MYO1D: variants seen among roughly 807,000 people sequenced by gnomAD.
MYO1D encodes the protein unconventional myosin-Id.
MYO1D carries 83 observed loss-of-function variants against 122.0 expected under a neutral mutation model. The observed-to-expected ratio is 0.68, with a 90% CI of 0.57 to 0.82. The LOEUF (loss-of-function observed/expected upper bound fraction) is 0.82. Among genes scored for constraint, MYO1D ranks in the 40% least tolerant of loss-of-function variants. The pLI, the probability that MYO1D is intolerant of heterozygous loss-of-function variation, is 0.00. For synonymous variants in MYO1D, 464 were observed against 446.9 expected (o/e 1.04, Z -0.48); for missense variants, 1,157 against 1,269.5 (o/e 0.91, Z 1.35).
chr17:32,796,831 T>G (rs2090420998), intron 1 of MYO1D, among the ~76,000 whole-genome samples: 1 of 152,220 alleles, frequency 6.6e-6, no homozygotes, highest in South Asian at 2.1e-4. Flanking sequence ...AGGAAGCCTC[T>G]CTACCTTACA....
intron 20 of MYO1D, among the ~76,000 whole-genome samples, chr17:32,611,928 A>T (rs2087707390): frequency 6.6e-6 from 1 of 152,242 alleles, no homozygotes. Context: ...ATTAGGAAAG[A>T]TCAGCTCAAA....
chr17:32,608,441 T>A (rs1248791643), intron 20 of MYO1D, among the ~76,000 whole-genome samples: 1 of 151,958 alleles, frequency 6.6e-6, no homozygotes, highest in Non-Finnish European at 1.5e-5. Flanking sequence ...TGCAAACCCA[T>A]CAGAATGGCT....
chr17:32,787,241 T>C (rs79016493), intron 1 of MYO1D, among the ~76,000 whole-genome samples: 2,219 of 152,248 alleles, frequency 0.015, 44 homozygotes, highest in African/African-American at 0.048. Flanking sequence ...TGGAGAAAAG[T>C]AAGCAAAATA....
At chr17:32,833,220 A>T (rs2151067818) in intron 1 of MYO1D, among the ~76,000 whole-genome samples, 1 of 152,316 alleles carries the variant, frequency 6.6e-6, no homozygotes, top group East Asian at 1.9e-4. Flanking sequence ...ATCTGTCAGT[A>T]AAGTATGTCC....
At chr17:32,795,120 C>T (rs962663309) in intron 1 of MYO1D, among the ~76,000 whole-genome samples, 4 of 152,122 alleles carry the variant, frequency 2.6e-5, no homozygotes, top group Admixed American at 2.6e-4. Flanking sequence ...AGGATAGGGA[C>T]AGGAGGCAAC....
At chr17:32,587,221 AACTCGC>A (rs1335087902) in intron 21 of MYO1D, among the ~76,000 whole-genome samples, 1 of 152,234 alleles carries the variant, frequency 6.6e-6, no homozygotes, top group African/African-American at 2.4e-5. Flanking sequence ...AGTAAAAAGT[AACTCGC>A]CAGGCCAGGG....
chr17:32,767,855 A>T, intron 6 of MYO1D, 103 bp from the exon 7 acceptor site: 2 of 773,704 alleles, frequency 2.6e-6, no homozygotes, highest in East Asian at 2.6e-5. Context: ...CTTCATAGTA[A>T]ATCACTTGAG....
intron 21 of MYO1D, among the ~76,000 whole-genome samples, chr17:32,527,956 A>G (rs1406261277): frequency 2.0e-5 from 3 of 151,278 alleles, no homozygotes; most frequent in Non-Finnish European, 4.4e-5. Context: ...CTCCTGCCTC[A>G]GCCTCCTGAG....
At chr17:32,809,939 C>T (rs1373029335) in intron 1 of MYO1D, among the ~76,000 whole-genome samples, 1 of 152,098 alleles carries the variant, frequency 6.6e-6, no homozygotes, top group East Asian at 1.9e-4. Context: ...TAAAGACAGG[C>T]AAAAACTAAT....
chr17:32,749,431 A>G (rs902312392), intron 11 of MYO1D, among the ~76,000 whole-genome samples: 51 of 152,180 alleles, frequency 3.4e-4, no homozygotes, highest in African/African-American at 7.2e-5. Context: ...ATCTTATGAC[A>G]CTTTAATCTT....
chr17:32,745,228 C>T lies in MYO1D; in HGVS notation c.1596G>A (p.Lys532=). Residue 532 remains lysine (K), a synonymous_variant, in exon 13 of 22, where the codon AAG becomes AAA. Transcript: ENST00000318217. ...KNKDTLFQDF[K]RLMYNSSNPV... ...AATCTTACCTGTTATACATAAGGCG[C>T]TTGAAATCTTGAAATAAAGTATCTT... 2 of 1,528,298 alleles carry T rather than the reference C, an allele frequency of 1.3e-6. No homozygotes were observed. Among genetic ancestry groups the T allele is most frequent in the South Asian group, 1.1e-5 (1 of 87,304 alleles). 94.7% of individuals were successfully genotyped at this position (1,528,298 alleles called of 1,614,324 possible). A position where few individuals can be genotyped will look rare whatever the true frequency, so the allele number is the denominator to read the frequency against.
intron 21 of MYO1D, among the ~76,000 whole-genome samples, chr17:32,547,592 C>T (rs58238983): frequency 0.02 from 3,065 of 152,328 alleles, 93 homozygotes; most frequent in African/African-American, 0.069. Context: ...ACCAACCAAC[C>T]GCTTCTGCAG....
chr17:32,634,852 G>C (rs2088075998), intron 20 of MYO1D, among the ~76,000 whole-genome samples: 2 of 152,132 alleles, frequency 1.3e-5, no homozygotes, highest in South Asian at 4.1e-4. Context: ...CCTTTCTGCT[G>C]GGAAAACCCA....
intron 1 of MYO1D, among the ~76,000 whole-genome samples, chr17:32,791,649 T>C (rs2090352788): frequency 6.6e-6 from 1 of 152,104 alleles, no homozygotes; most frequent in African/African-American, 2.4e-5. Flanking sequence ...GAGCAAAATG[T>C]AAACAACTGA....
At position 32,659,239 on chromosome 17, in the gene MYO1D, G is replaced by C; in HGVS notation, c.2221C>G (p.His741Asp). 6.2e-7 allele frequency: 1 copy of C among 1,614,228 alleles called. No individual in the cohort carries two copies. The highest frequency in any genetic ancestry group is 8.5e-7 in the Non-Finnish European group (1 of 1,180,044). Residue 741 changes from histidine (H) to aspartate (D), a missense_variant, in exon 17 of 22, where the codon CAC becomes GAC. Transcript: ENST00000318217. ...YRRYKVKSYIHEVARRFHGVK... is the reference protein window; with the variant it reads ...YRRYKVKSYIDEVARRFHGVK... ...CCATGGAAGCGTCTGGCCACCTCGT[G>C]GATGTACGACTTCACTTTGTAGCGC...
At chr17:32,835,912 T>A (rs1269380410) in intron 1 of MYO1D, among the ~76,000 whole-genome samples, 1 of 152,218 alleles carries the variant, frequency 6.6e-6, no homozygotes, top group African/African-American at 2.4e-5. Flanking sequence ...AACTGTTGGT[T>A]CATACTGCGC....
chr17:32,742,549 T>C (rs537759777), intron 13 of MYO1D, among the ~76,000 whole-genome samples: 42 of 152,336 alleles, frequency 2.8e-4, no homozygotes, highest in African/African-American at 1.0e-3. Context: ...ACCCTGATGG[T>C]ACTACTGGCC....
At chr17:32,588,760 G>A (rs776477345) in intron 21 of MYO1D, among the ~76,000 whole-genome samples, 46 of 152,170 alleles carry the variant, frequency 3.0e-4, no homozygotes, top group Non-Finnish European at 3.5e-4. Context: ...GACCAGCCTG[G>A]CCAACATGGT....
chr17:32,864,425 T>C (rs1459457493), intron 1 of MYO1D, among the ~76,000 whole-genome samples: 1 of 152,002 alleles, frequency 6.6e-6, no homozygotes, highest in African/African-American at 2.4e-5. Flanking sequence ...TTTGGTAGTA[T>C]GGTAAAATGT....
Sources: allele counts gnomAD v4.1 joint callset (sites outside exome capture counted in the v4.1 genomes callset), GRCh38; gene constraint gnomAD v4.1.1; transcripts MANE v1.5; gene names NCBI Gene and HGNC (gene_info 2026-07-23, HGNC 2026-07-21).